GPHN: variants seen among roughly 807,000 people sequenced by gnomAD.
GPHN encodes gephyrin.
A neutral mutation model predicts 95.5 loss-of-function variants in GPHN; 17 were observed. That is an observed-to-expected ratio of 0.18 (90% CI 0.12 to 0.27). The LOEUF (loss-of-function observed/expected upper bound fraction) is 0.27. Ranked by LOEUF, GPHN falls within the 10% of genes least tolerant of loss-of-function variation. The pLI, the probability that GPHN is intolerant of heterozygous loss-of-function variation, is 1.00. For synonymous variants in GPHN, 320 were observed against 322.5 expected, an observed-to-expected ratio of 0.99 and a Z score of 0.08; for missense variants, 660 against 978.1, an observed-to-expected ratio of 0.67 and a Z score of 4.34.
At chr14:67,041,577 A>G (rs902267560) in intron 10 of GPHN, among the ~76,000 whole-genome samples, 1 of 152,168 alleles carries the variant, frequency 6.6e-6, no homozygotes, top group Non-Finnish European at 1.5e-5. Flanking sequence ...ATAGTATTCC[A>G]TGGTGTATAT....
chr14:67,045,677 C>G (rs2074977984), intron 10 of GPHN, among the ~76,000 whole-genome samples: 1 of 151,060 alleles, frequency 6.6e-6, no homozygotes, highest in Non-Finnish European at 1.5e-5. Context: ...GTCTCTCCCT[C>G]TCTTGGTCTC....
At chr14:67,332,805 A>AGAAGACAAGAGAGATG in the GPHN span, 1 of 1,612,012 alleles carries the variant, frequency 6.2e-7, no homozygotes, top group Admixed American at 1.7e-5. Context: ...GAAATCATTG[A>AGAAGACAAGAGAGATG]GAAGACAAGA....
chr14:66,961,937 TATATATATATACAC>T (rs1237448720), intron 8 of GPHN, among the ~76,000 whole-genome samples: 6 of 79,784 alleles, frequency 7.5e-5, no homozygotes, highest in African/African-American at 4.3e-4. Context: ...TATATATATA[TATATATATATACAC>T]ATATCTCCCA....
chr14:67,230,102 TC>T, the GPHN span, among the ~76,000 whole-genome samples: 1 of 152,224 alleles, frequency 6.6e-6, no homozygotes, highest in Non-Finnish European at 1.5e-5. Context: ...ATACAGATTA[TC>T]TGTAACTTTT....
At chr14:67,488,157 C>G in the GPHN span, among the ~76,000 whole-genome samples, 1 of 152,198 alleles carries the variant, frequency 6.6e-6, no homozygotes, top group African/African-American at 2.4e-5. Context: ...CTGGCACTCC[C>G]CTGTGGATGA....
At chr14:67,609,282 G>A in the GPHN span, among the ~76,000 whole-genome samples, 1 of 152,046 alleles carries the variant, frequency 6.6e-6, no homozygotes, top group African/African-American at 2.4e-5. Context: ...ACGCTTACTG[G>A]TTTATTATAA....
At chr14:67,116,405 G>A (rs779181200) in intron 16 of GPHN, among the ~76,000 whole-genome samples, 1 of 150,612 alleles carries the variant, frequency 6.6e-6, no homozygotes, top group Non-Finnish European at 1.5e-5. Context: ...AGGAGGGGAG[G>A]GCAGGGCAGG....
At chr14:67,697,651 G>T in the GPHN span, among the ~76,000 whole-genome samples, 1 of 152,228 alleles carries the variant, frequency 6.6e-6, no homozygotes, top group Non-Finnish European at 1.5e-5. Context: ...CTAGGTCAAA[G>T]AGGCAGAGCT....
chr14:66,841,793 C>T (rs1166571619), intron 4 of GPHN, among the ~76,000 whole-genome samples: 2 of 152,054 alleles, frequency 1.3e-5, no homozygotes, highest in Admixed American at 6.6e-5. Context: ...GTAATCCCAG[C>T]ACTTTGGGAG....
At chr14:67,330,727 G>A in the GPHN span, among the ~76,000 whole-genome samples, 8 of 149,122 alleles carry the variant, frequency 5.4e-5, no homozygotes, top group African/African-American at 2.0e-4. Context: ...CAAAGTGCTG[G>A]GATTATGGGC....
intron 19 of GPHN, among the ~76,000 whole-genome samples, chr14:67,164,460 T>C (rs2153721988): frequency 6.6e-6 from 1 of 152,184 alleles, no homozygotes; most frequent in Non-Finnish European, 1.5e-5. Context: ...TTTTGAACAA[T>C]AGGCAACTGT....
intron 3 of GPHN, chr14:66,823,203 T>C (rs1425399451): frequency 6.6e-6 from 1 of 152,236 alleles, no homozygotes; most frequent in Non-Finnish European, 1.5e-5. Context: ...AGTTTTGCCA[T>C]GTTGGCCAGG....
rs8006509 is a variant in GPHN, at chr14:66,517,454, A to G, written c.64+8863A>G. Among the ~76,000 whole-genome samples, 781 of 152,338 alleles carry G rather than the reference A, an allele frequency of 5.1e-3. 7 individuals carry two copies. The highest frequency in any genetic ancestry group is 0.018 in the African/African-American group (749 of 41,572). On this transcript the variant is annotated intron_variant, in intron 1 of 22. Coordinates refer to ENST00000478722, the MANE Select transcript of GPHN (RefSeq NM_020806.5). Reference sequence around the variant, plus strand: ...TAGGGAAAAAAAAGTTAAAATTTGTATGGAACCATAAAGGACCTGGAATAG... The same window carrying G: ...TAGGGAAAAAAAAGTTAAAATTTGTGTGGAACCATAAAGGACCTGGAATAG...
the GPHN span, among the ~76,000 whole-genome samples, chr14:67,624,504 A>G: frequency 6.6e-6 from 1 of 152,176 alleles, no homozygotes; most frequent in Non-Finnish European, 1.5e-5. Context: ...CGGAAGGTGA[A>G]GGGGAAGCAA....
At chr14:66,542,101 TCA>T (rs1402172497) in intron 1 of GPHN, among the ~76,000 whole-genome samples, 2 of 152,220 alleles carry the variant, frequency 1.3e-5, no homozygotes, top group Non-Finnish European at 2.9e-5. Context: ...TGTCTCACTC[TCA>T]CTTAAGTCCA....
At chr14:66,780,857 C>T (rs1779123196) in intron 3 of GPHN, among the ~76,000 whole-genome samples, 1 of 152,102 alleles carries the variant, frequency 6.6e-6, no homozygotes, top group Non-Finnish European at 1.5e-5. Flanking sequence ...ATGTTCATTT[C>T]AGTTGGGTAA....
chr14:66,686,753 G>T (rs897272208), intron 2 of GPHN, among the ~76,000 whole-genome samples: 2 of 152,120 alleles, frequency 1.3e-5, no homozygotes, highest in African/African-American at 2.4e-5. Flanking sequence ...TCTTTCTCCT[G>T]CCTGATTGCC....
the GPHN span, chr14:67,577,962 G>A: frequency 4.8e-5 from 73 of 1,509,988 alleles, no homozygotes; most frequent in South Asian, 2.3e-4. Context: ...TGGCCAAGCC[G>A]TTGAGTTCTC....
chr14:66,948,457 A>G (rs2067890522), intron 8 of GPHN, among the ~76,000 whole-genome samples: 1 of 152,172 alleles, frequency 6.6e-6, no homozygotes, highest in Non-Finnish European at 1.5e-5. Context: ...AAATTTAGGT[A>G]TTCACATTTT....
Sources: gnomAD v4.1 joint callset for allele counts (sites outside exome capture counted in the v4.1 genomes callset) on GRCh38, gnomAD v4.1.1 for gene constraint, MANE v1.5 for transcripts, NCBI Gene and HGNC (gene_info 2026-07-23, HGNC 2026-07-21) for gene names.